Variants in CXXC4 observed in about 807,000 individuals in gnomAD.
CXXC4 encodes the protein CXXC-type zinc finger protein 4.
CXXC4 carries 5 observed loss-of-function variants against 20.5 expected under a neutral mutation model. That is an observed-to-expected ratio of 0.24 (90% CI 0.13 to 0.51). CXXC4 has a LOEUF of 0.51. CXXC4 is among the 20% of genes least tolerant of loss of function. The probability of loss-of-function intolerance (pLI) is 0.97; values close to 1 mark genes in which losing one functional copy is unlikely to be tolerated. For synonymous variants in CXXC4, 250 were observed against 216.4 expected (o/e 1.16, Z -1.36); for missense variants, 419 against 496.4 (o/e 0.84, Z 1.48).
intron 1 of CXXC4, among the ~76,000 whole-genome samples, chr4:104,494,017 G>A (rs1398568247): frequency 3.3e-5 from 5 of 151,976 alleles, no homozygotes; most frequent in Non-Finnish European, 7.4e-5. Flanking sequence ...AGCTTTCCTT[G>A]CTTTTCTGAT....
chr4:104,482,949 C>T (rs572640257), intron 2 of CXXC4, among the ~76,000 whole-genome samples: 17 of 151,980 alleles, frequency 1.1e-4, no homozygotes, highest in Non-Finnish European at 2.2e-4. Context: ...CACCGTCTTT[C>T]CCATAGTCTG....
chr4:104,472,698 A>G (rs752421360), intron 2 of CXXC4, among the ~76,000 whole-genome samples: 1 of 152,000 alleles, frequency 6.6e-6, no homozygotes, highest in Non-Finnish European at 1.5e-5. Flanking sequence ...CAGCACAGGT[A>G]CTTAAAATCT....
rs764078503 is a variant in CXXC4 at position 104,491,253 on chromosome 4, A to G, written c.550T>C (p.Cys184Arg). The G allele has an allele frequency of 6.2e-6, 10 of 1,612,464 alleles. No homozygotes were observed. In the African/African-American group the frequency reaches 6.7e-5, roughly 11 times the overall value. Reference protein sequence around the residue: ...NDSQRLGKAGCPPEPSLQMAN... With the variant: ...NDSQRLGKAGRPPEPSLQMAN... ...ATTTGCAACGACGGCTCTGGCGGGC[A>G]GCCAGCTTTCCCCAGCCTCTGGGAG... The change falls in exon 2 of 3, where the codon TGC (cysteine) becomes CGC (arginine). Residue 184 changes from cysteine to arginine, a missense_variant. By Grantham distance (180) the Cys-to-Arg change is radical. Transcript: ENST00000394767.
Position 104,488,240 on chromosome 4 carries a change from G to C in CXXC4, c.1059+2504C>G, listed in dbSNP as rs114396694. Among the ~76,000 whole-genome samples the C allele has an allele frequency of 6.2e-3, 947 of 152,322 alleles. 10 individuals are homozygous for C. The highest frequency in any genetic ancestry group is 0.021 in the African/African-American group (872 of 41,570). On this transcript the variant is annotated intron_variant, in intron 2 of 2. Coordinates refer to ENST00000394767, the MANE Select transcript of CXXC4 (RefSeq NM_025212.4). ...ATCCAATCTCTAAAACATTTTCCCAGATGAGGATGGACCAAATTTAAGAGA... is the reference window on the plus strand; with the variant it reads ...ATCCAATCTCTAAAACATTTTCCCACATGAGGATGGACCAAATTTAAGAGA...
At chr4:104,490,091 T>C (rs947738872) in intron 2 of CXXC4, among the ~76,000 whole-genome samples, 2 of 152,234 alleles carry the variant, frequency 1.3e-5, no homozygotes, top group African/African-American at 4.8e-5. Flanking sequence ...TCACATCTCC[T>C]CAAAATTTGC....
intron 2 of CXXC4, among the ~76,000 whole-genome samples, chr4:104,477,658 T>C (rs1736448797): frequency 6.6e-6 from 1 of 151,978 alleles, no homozygotes. Flanking sequence ...ATAAGAGAAC[T>C]ATTAATGATT....
chr4:104,487,259 G>T (rs1457565745), intron 2 of CXXC4, among the ~76,000 whole-genome samples: 2 of 152,100 alleles, frequency 1.3e-5, no homozygotes, highest in Non-Finnish European at 2.9e-5. Context: ...AAGAGTGGGG[G>T]AAGGGAAACC....
intron 1 of CXXC4, among the ~76,000 whole-genome samples, chr4:104,493,406 G>A (rs912881235): frequency 3.3e-5 from 5 of 152,128 alleles, no homozygotes; most frequent in East Asian, 1.9e-4. Context: ...AATAGTCTCC[G>A]TCTCAAATAT....
At chr4:104,483,756 A>G (rs1736611988) in intron 2 of CXXC4, among the ~76,000 whole-genome samples, 1 of 151,992 alleles carries the variant, frequency 6.6e-6, no homozygotes, top group South Asian at 2.1e-4. Context: ...AAGTCAAATA[A>G]AAGTATTGGG....
At chr4:104,475,826 C>T (rs74698631) in intron 2 of CXXC4, among the ~76,000 whole-genome samples, 5 of 151,980 alleles carry the variant, frequency 3.3e-5, no homozygotes, top group East Asian at 1.9e-4. Context: ...AGCCAGATTC[C>T]CCTGAAGAGA....
intron 2 of CXXC4, among the ~76,000 whole-genome samples, chr4:104,477,050 G>A (rs1268343848): frequency 2.6e-5 from 4 of 152,098 alleles, no homozygotes; most frequent in African/African-American, 9.7e-5. Flanking sequence ...CTTGATACTG[G>A]AAACCTCCAC....
intron 2 of CXXC4, among the ~76,000 whole-genome samples, chr4:104,483,587 C>CAT (rs751127293): frequency 1.0e-3 from 152 of 150,912 alleles, no homozygotes; most frequent in Admixed American, 2.0e-3. Flanking sequence ...TATGTACACT[C>CAT]ATATATATAT....
chr4:104,489,065 G>A (rs373543856), intron 2 of CXXC4, among the ~76,000 whole-genome samples: 7 of 152,078 alleles, frequency 4.6e-5, no homozygotes, highest in Admixed American at 2.0e-4. Context: ...AAATTAATCC[G>A]GCAAAGAAGA....
At chr4:104,493,880 T>C (rs1216052860) in intron 1 of CXXC4, among the ~76,000 whole-genome samples, 1 of 152,232 alleles carries the variant, frequency 6.6e-6, no homozygotes, top group Non-Finnish European at 1.5e-5. Flanking sequence ...ATGTCAACCA[T>C]GCATTAGATA....
At chr4:104,492,094 G>A (rs1736902681) in intron 1 of CXXC4, 35 bp from the exon 2 acceptor site, 3 of 263,390 alleles carry the variant, frequency 1.1e-5, no homozygotes, top group Non-Finnish European at 2.1e-5. Flanking sequence ...CGAGCTGCAC[G>A]AGGAAAAAGA....
At chr4:104,477,990 T>G (rs1736458479) in intron 2 of CXXC4, among the ~76,000 whole-genome samples, 1 of 152,118 alleles carries the variant, frequency 6.6e-6, no homozygotes, top group Non-Finnish European at 1.5e-5. Flanking sequence ...GACCCCTATT[T>G]AAAAAGGGGA....
rs144750667 is a variant in CXXC4 at position 104,490,415 on chromosome 4, T to G, written c.1059+329A>C. On this transcript the variant is annotated intron_variant, in intron 2 of 2. Coordinates refer to ENST00000394767, the MANE Select transcript of CXXC4 (RefSeq NM_025212.4). ...TTTGGGCAAGATGCCCCACCCTTTTTAATGAGGAGGAGGGGGCATTTTAAA... is the reference window on the plus strand; with the variant it reads ...TTTGGGCAAGATGCCCCACCCTTTTGAATGAGGAGGAGGGGGCATTTTAAA... Among the ~76,000 whole-genome samples, 53 of 152,344 alleles carry G rather than the reference T, an allele frequency of 3.5e-4. 1 individual carries two copies. The highest frequency in any genetic ancestry group is 1.2e-3 in the African/African-American group (48 of 41,584).
intron 2 of CXXC4, among the ~76,000 whole-genome samples, chr4:104,486,554 C>T (rs1736699531): frequency 6.6e-6 from 1 of 151,732 alleles, no homozygotes; most frequent in African/African-American, 2.4e-5. Flanking sequence ...TTCATACTCA[C>T]TTATATATTT....
intron 2 of CXXC4, among the ~76,000 whole-genome samples, chr4:104,478,664 G>T (rs1467421212): frequency 6.6e-6 from 1 of 152,006 alleles, no homozygotes; most frequent in East Asian, 1.9e-4. Flanking sequence ...TGGTTAAAAT[G>T]TTCTTACCCA....
Sources: gnomAD v4.1 joint callset for allele counts (sites outside exome capture counted in the v4.1 genomes callset) on GRCh38, gnomAD v4.1.1 for gene constraint, MANE v1.5 for transcripts, NCBI Gene and HGNC (gene_info 2026-07-23, HGNC 2026-07-21) for gene names.